RPS29: variants seen among roughly 807,000 people sequenced by gnomAD.
RPS29 encodes the protein small ribosomal subunit protein uS14.
For missense variants in RPS29, 60 were observed against 75.7 expected, an observed-to-expected ratio of 0.79 and a Z score of 0.77; for synonymous variants, 37 against 26.9, an observed-to-expected ratio of 1.37 and a Z score of -1.16.
At chr14:49,583,725 C>T in intron 2 of RPS29, 50 bp from the exon 3 acceptor site, 1 of 1,140,804 alleles carries the variant, frequency 8.8e-7, no homozygotes, top group Admixed American at 2.0e-5. Context: ...TAAATCTCTA[C>T]TTGATTCTCA....
chr14:49,577,766 G>A lies in RPS29; in HGVS notation c.*46C>T, dbSNP rs139724503. The A allele has an allele frequency of 1.2e-3, 1,823 of 1,494,426 alleles. 6 individuals are homozygous for A. Among genetic ancestry groups the A allele is most frequent in the Non-Finnish European group, 1.6e-3 (1,703 of 1,073,308 alleles). The allele number at this position is 1,494,426 out of a possible 1,614,324, so 92.6% of individuals were successfully genotyped here. A position where few individuals can be genotyped will look rare whatever the true frequency, so the allele number is the denominator to read the frequency against. ...CTTGGTGCTCTTTTTGATGATCTTGGGCTTCGCGAGCGGTCTCAGGATGGC... is the reference window on the plus strand; with the variant it reads ...CTTGGTGCTCTTTTTGATGATCTTGAGCTTCGCGAGCGGTCTCAGGATGGC... On this transcript the variant is annotated 3_prime_UTR_variant, in exon 3 of 3. Coordinates refer to the RPS29 transcript ENST00000396020.
exon 3 of RPS29, chr14:49,577,449 C>A (rs1051665445): frequency 1.5e-5 from 6 of 406,028 alleles, no homozygotes; most frequent in Non-Finnish European, 2.3e-5. Flanking sequence ...TGATGACCAC[C>A]TGGGCTGCTC....
chr14:49,593,520 A>G (rs899003371), intron 1 of RPS29, among the ~76,000 whole-genome samples: 2 of 152,012 alleles, frequency 1.3e-5, no homozygotes, highest in Non-Finnish European at 2.9e-5. Context: ...CCTGACTAAC[A>G]TGGTGAAACT....
At chr14:49,586,670 G>A (rs191891503), upstream of RPS29, 130 of 339,276 alleles carry the variant, frequency 3.8e-4, no homozygotes, top group East Asian at 4.4e-3. Context: ...GGGCTGTAGT[G>A]CGCTATGCCG....
downstream of RPS29, chr14:49,583,461 G>GC: frequency 6.8e-6 from 3 of 443,298 alleles, no homozygotes. Context: ...AGCCGAGATC[G>GC]CGCCACTGCA....
exon 3 of RPS29, chr14:49,574,641 C>G (rs1413934964): frequency 6.6e-6 from 1 of 152,210 alleles, no homozygotes; most frequent in Non-Finnish European, 1.5e-5. Context: ...TAGTCTCTAT[C>G]AATGGAAATG....
chr14:49,576,031 T>G (rs1334237222), exon 3 of RPS29: 1 of 152,118 alleles, frequency 6.6e-6, no homozygotes, highest in East Asian at 1.9e-4. Context: ...TGTATAGCCT[T>G]GATTCCTACA....
chr14:49,598,401 C>A, exon 1 of RPS29: 2 of 689,592 alleles, frequency 2.9e-6, no homozygotes, highest in Non-Finnish European at 5.3e-6. Context: ...TCCACCTACC[C>A]GCCATGAAAA....
At chr14:49,583,399 A>G (rs2139509770), downstream of RPS29, among the ~76,000 whole-genome samples, 1 of 152,200 alleles carries the variant, frequency 6.6e-6, no homozygotes, top group East Asian at 1.9e-4. Context: ...AAAAGAGAAG[A>G]ATTAGCTAGG....
chr14:49,584,743 CAG>C (rs1354106476), intron 2 of RPS29, among the ~76,000 whole-genome samples: 15 of 150,028 alleles, frequency 1.0e-4, no homozygotes, highest in Non-Finnish European at 2.1e-4. Flanking sequence ...GCCTGGGAAA[CAG>C]AGGGAGACCC....
At chr14:49,588,615 C>T (rs1881644425), upstream of RPS29, among the ~76,000 whole-genome samples, 1 of 151,930 alleles carries the variant, frequency 6.6e-6, no homozygotes, top group Admixed American at 6.6e-5. Flanking sequence ...GCAACCTGCA[C>T]CTCCTGGGTT....
chr14:49,579,701 C>A (rs1881283263), downstream of RPS29, among the ~76,000 whole-genome samples: 1 of 152,192 alleles, frequency 6.6e-6, no homozygotes, highest in Non-Finnish European at 1.5e-5. Context: ...TACAAGGCAT[C>A]TTGCTATGTG....
exon 3 of RPS29, chr14:49,577,446 C>A: frequency 2.5e-6 from 1 of 400,780 alleles, no homozygotes; most frequent in South Asian, 2.3e-5. Flanking sequence ...CTCTGATGAC[C>A]ACCTGGGCTG....
At chr14:49,575,386 G>A (rs984767770) in exon 3 of RPS29, 1 of 152,200 alleles carries the variant, frequency 6.6e-6, no homozygotes, top group East Asian at 1.9e-4. Context: ...AAATGAAGTG[G>A]GTGAGTGACA....
intron 1 of RPS29, among the ~76,000 whole-genome samples, chr14:49,595,224 A>C (rs1004251756): frequency 1.3e-5 from 2 of 152,106 alleles, no homozygotes; most frequent in Non-Finnish European, 2.9e-5. Flanking sequence ...ACTAACTCCA[A>C]CATCTGGATC....
exon 3 of RPS29, chr14:49,573,417 G>T (rs942506001): frequency 6.8e-6 from 1 of 146,316 alleles, no homozygotes; most frequent in Non-Finnish European, 1.5e-5. Flanking sequence ...AGGCTGCAGT[G>T]AGCCAAGATG....
exon 3 of RPS29, chr14:49,572,955 T>C (rs1006614968): frequency 2.6e-5 from 4 of 151,970 alleles, no homozygotes; most frequent in African/African-American, 9.7e-5. Flanking sequence ...TGGTCCCAGA[T>C]ACTTGGGAGG....
At chr14:49,598,244 G>C (rs28643334) in intron 1 of RPS29, 285,408 of 584,366 alleles carry the variant, frequency 0.49, 74,544 homozygotes, top group Non-Finnish European at 0.55. Flanking sequence ...GTGAGCGCCT[G>C]CTTAACATTT....
chr14:49,591,105 A>G (rs1881700439), upstream of RPS29, among the ~76,000 whole-genome samples: 2 of 152,084 alleles, frequency 1.3e-5, no homozygotes, highest in African/African-American at 4.8e-5. Flanking sequence ...TTAACTGTAC[A>G]TATTATATTT....
Sources: gnomAD v4.1 joint callset for allele counts (sites outside exome capture counted in the v4.1 genomes callset) on GRCh38, gnomAD v4.1.1 for gene constraint, MANE v1.5 for transcripts, NCBI Gene and HGNC (gene_info 2026-07-23, HGNC 2026-07-21) for gene names.